The following AKT3 variants were observed in gnomAD, a reference collection of about 807,000 sequenced individuals.
AKT3 encodes the protein RAC-gamma serine/threonine-protein kinase.
In AKT3, 15 loss-of-function variants were observed where a neutral mutation model predicts 65.3. That is an observed-to-expected ratio of 0.23 (90% CI 0.15 to 0.35). The LOEUF (loss-of-function observed/expected upper bound fraction) is 0.35. AKT3 is among the 10% of genes least tolerant of loss of function. The probability of loss-of-function intolerance (pLI) is 1.00; values close to 1 mark genes in which losing one functional copy is unlikely to be tolerated. For synonymous variants in AKT3, 206 were observed against 183.8 expected, an observed-to-expected ratio of 1.12 and a Z score of -0.98; for missense variants, 243 against 576.5, an observed-to-expected ratio of 0.42 and a Z score of 5.92.
intron 8 of AKT3, among the ~76,000 whole-genome samples, chr1:243,600,169 T>C (rs1676909952): frequency 6.6e-6 from 1 of 152,064 alleles, no homozygotes; most frequent in Non-Finnish European, 1.5e-5. Flanking sequence ...AAGACTTAAA[T>C]AATGGGAAAA....
chr1:243,660,948 C>T lies in AKT3; in HGVS notation c.284+3824G>A, dbSNP rs879555726. 6.8e-4 allele frequency among the ~76,000 whole-genome samples: 104 copies of T among 152,238 alleles called. 2 individuals carry two copies. The highest frequency in any genetic ancestry group is 1.7e-3 in the Admixed American group (26 of 15,294). On this transcript the variant is annotated intron_variant, in intron 4 of 13. Coordinates refer to ENST00000673466, the MANE Select transcript of AKT3 (RefSeq NM_005465.7). ...AGAGAGCCAAATCATGAGTGAACTC[C>T]CATTCACAACTGCTTCAAAGAGAAT...
intron 2 of AKT3, among the ~76,000 whole-genome samples, chr1:243,765,972 T>C (rs1250170111): frequency 6.6e-6 from 1 of 152,204 alleles, no homozygotes; most frequent in African/African-American, 2.4e-5. Flanking sequence ...TCAGGTGTCC[T>C]CTACAAAGCT....
intron 3 of AKT3, among the ~76,000 whole-genome samples, chr1:243,691,067 A>C (rs914937587): frequency 6.6e-6 from 1 of 152,186 alleles, no homozygotes; most frequent in Non-Finnish European, 1.5e-5. Context: ...TAGATTTAAG[A>C]AGGGCAGAGA....
chr1:243,660,103 C>G (rs2147900051), intron 4 of AKT3, among the ~76,000 whole-genome samples: 1 of 152,120 alleles, frequency 6.6e-6, no homozygotes, highest in Non-Finnish European at 1.5e-5. Context: ...GTGAATCCAT[C>G]TGGTCCTGGA....
intron 2 of AKT3, among the ~76,000 whole-genome samples, chr1:243,753,325 T>C (rs777351341): frequency 6.6e-6 from 1 of 152,180 alleles, no homozygotes; most frequent in Non-Finnish European, 1.5e-5. Context: ...GCAAGGTATT[T>C]GGATGCAGAA....
chr1:243,784,355 CA>C (rs1411196554), intron 2 of AKT3, among the ~76,000 whole-genome samples: 3 of 150,700 alleles, frequency 2.0e-5, no homozygotes, highest in South Asian at 2.1e-4. Flanking sequence ...AAAAGGCAGA[CA>C]AGGAAACCCA....
chr1:243,797,817 A>T (rs1206018558), intron 2 of AKT3, among the ~76,000 whole-genome samples: 1 of 151,230 alleles, frequency 6.6e-6, no homozygotes, highest in Non-Finnish European at 1.5e-5. Flanking sequence ...AATCAAATAG[A>T]TCACTAAACT....
intron 6 of AKT3, among the ~76,000 whole-genome samples, chr1:243,624,440 T>C (rs1233536488): frequency 6.6e-6 from 1 of 152,218 alleles, no homozygotes; most frequent in African/African-American, 2.4e-5. Flanking sequence ...ATAAAATGTA[T>C]CCACTTTTTT....
At chr1:243,726,938 T>G (rs958152617) in intron 2 of AKT3, among the ~76,000 whole-genome samples, 1 of 152,200 alleles carries the variant, frequency 6.6e-6, no homozygotes, top group African/African-American at 2.4e-5. Context: ...ACCTTCTACT[T>G]AGGCAGTGGC....
At chr1:243,534,944 CA>C (rs1671793069) in intron 12 of AKT3, among the ~76,000 whole-genome samples, 1 of 151,082 alleles carries the variant, frequency 6.6e-6, no homozygotes, top group Non-Finnish European at 1.5e-5. Context: ...AAATTAAATC[CA>C]AAGTAAGGAG....
intron 8 of AKT3, among the ~76,000 whole-genome samples, chr1:243,585,454 G>C (rs990238674): frequency 1.3e-5 from 2 of 151,432 alleles, no homozygotes; most frequent in Admixed American, 6.6e-5. Context: ...TCAAAAAGAA[G>C]AAAGCTAGAG....
At chr1:243,507,424 G>C (rs1249274471) in intron 13 of AKT3, among the ~76,000 whole-genome samples, 2 of 152,188 alleles carry the variant, frequency 1.3e-5, no homozygotes, top group Non-Finnish European at 2.9e-5. Context: ...TAAAGCCAAT[G>C]ATCTCCCTCC....
chr1:243,846,349 T>C (rs1240160141), intron 1 of AKT3, among the ~76,000 whole-genome samples: 11 of 152,150 alleles, frequency 7.2e-5, no homozygotes, highest in Non-Finnish European at 1.3e-4. Context: ...TCCATATATA[T>C]ATAGGAATTA....
At chr1:243,685,028 G>A (rs1684187955) in intron 3 of AKT3, among the ~76,000 whole-genome samples, 1 of 152,100 alleles carries the variant, frequency 6.6e-6, no homozygotes, top group African/African-American at 2.4e-5. Flanking sequence ...ATTTGTTTAA[G>A]TTCCTTGTAG....
intron 4 of AKT3, among the ~76,000 whole-genome samples, chr1:243,660,338 A>T (rs1682203826): frequency 6.6e-6 from 1 of 152,218 alleles, no homozygotes; most frequent in African/African-American, 2.4e-5. Flanking sequence ...CGAATCCAGC[A>T]GCACATCAAA....
chr1:243,769,272 C>CAT (rs1690024129), intron 2 of AKT3, among the ~76,000 whole-genome samples: 1 of 152,176 alleles, frequency 6.6e-6, no homozygotes, highest in African/African-American at 2.4e-5. Context: ...CTACTACAAA[C>CAT]ATTCACATAC....
intron 3 of AKT3, among the ~76,000 whole-genome samples, chr1:243,671,408 T>A (rs1291636155): frequency 6.6e-6 from 1 of 152,180 alleles, no homozygotes; most frequent in Non-Finnish European, 1.5e-5. Flanking sequence ...AATCACATAA[T>A]GAAATAATGC....
intron 2 of AKT3, among the ~76,000 whole-genome samples, chr1:243,718,303 T>C (rs1043724718): frequency 1.3e-5 from 2 of 152,202 alleles, no homozygotes; most frequent in Non-Finnish European, 2.9e-5. Flanking sequence ...GTATGCATTC[T>C]CTGTATCGTT....
chr1:243,526,164 C>A (rs557742259), intron 12 of AKT3, among the ~76,000 whole-genome samples: 1 of 151,978 alleles, frequency 6.6e-6, no homozygotes, highest in East Asian at 2.0e-4. Context: ...GTCCATAGGA[C>A]AGTAAGTTGA....
Sources: gnomAD v4.1 joint callset for allele counts (sites outside exome capture counted in the v4.1 genomes callset) on GRCh38, gnomAD v4.1.1 for gene constraint, MANE v1.5 for transcripts, NCBI Gene and HGNC (gene_info 2026-07-23, HGNC 2026-07-21) for gene names.